POLR1E: variants seen among roughly 807,000 people sequenced by gnomAD.
POLR1E encodes DNA-directed RNA polymerase I subunit RPA49.
Under a neutral mutation model 50.9 loss-of-function variants are expected in POLR1E, and 37 were observed. The observed-to-expected ratio is 0.73, with a 90% CI of 0.56 to 0.96. POLR1E has a LOEUF of 0.96. POLR1E is among the 40% of genes least tolerant of loss of function. POLR1E has a pLI of 0.00. For missense variants in POLR1E, 426 were observed against 518.1 expected (o/e 0.82, Z 1.73); for synonymous variants, 166 against 191.6 (o/e 0.87, Z 1.10).
chr9:37,490,054 A>G (rs1242618227), intron 4 of POLR1E, among the ~76,000 whole-genome samples: 10 of 152,188 alleles, frequency 6.6e-5, no homozygotes, highest in Admixed American at 1.3e-4. Flanking sequence ...ATTAGAGGAC[A>G]TGTCTGATAT....
Position 37,486,765 on chromosome 9 carries a change from A to G in POLR1E, c.139A>G (p.Lys47Glu), listed in dbSNP as rs1207416934. The G allele has an allele frequency of 1.1e-5, 18 of 1,613,966 alleles. No homozygotes were observed. The highest frequency in any genetic ancestry group is 2.2e-5 in the East Asian group (1 of 44,896). ...CATGCGCTTTACCTTGTATGAGAAC[A>G]AAGATTCCACCAACCCCAGGAAGAG... ...GNMRFTLYENKDSTNPRKRNQ... is the reference protein window; with the variant it reads ...GNMRFTLYENEDSTNPRKRNQ... Residue 47 changes from lysine (K) to glutamate (E), a missense_variant, in exon 2 of 12, where the codon AAA becomes GAA. Physicochemically the swap from Lys to Glu is moderately conservative, Grantham distance 56. Transcript: ENST00000377798.
chr9:37,503,235 C>T lies in POLR1E; in HGVS notation c.*33C>T. ...CTTTCCAGACAGGGCGTTTTGGCTG[C>T]ATCACAGCCACTGGCTGGTCCTATT... On this transcript the variant is annotated 3_prime_UTR_variant, in exon 12 of 12. Coordinates refer to ENST00000377798, the MANE Select transcript of POLR1E (RefSeq NM_022490.4). 2 of 1,567,302 alleles carry T rather than the reference C, an allele frequency of 1.3e-6. No individual in the cohort carries two copies. The highest frequency in any genetic ancestry group is 1.7e-6 in the Non-Finnish European group (2 of 1,158,180).
chr9:37,490,579 C>T (rs1019510162), intron 4 of POLR1E: 2 of 718,916 alleles, frequency 2.8e-6, no homozygotes, highest in Admixed American at 1.9e-5. Flanking sequence ...TCTTTCTTCA[C>T]CCGTTTCATG....
intron 2 of POLR1E, among the ~76,000 whole-genome samples, chr9:37,487,638 C>G (rs960371586): frequency 6.6e-6 from 1 of 152,190 alleles, no homozygotes; most frequent in Non-Finnish European, 1.5e-5. Flanking sequence ...CATTTAGAAG[C>G]TAGCACCATC....
intron 2 of POLR1E, among the ~76,000 whole-genome samples, chr9:37,487,265 A>G (rs1820593774): frequency 6.6e-6 from 1 of 152,182 alleles, no homozygotes; most frequent in South Asian, 2.1e-4. Flanking sequence ...ACACTTTTAC[A>G]CAAAGCTCTG....
chr9:37,497,403 A>G (rs1820803525), intron 8 of POLR1E, among the ~76,000 whole-genome samples: 1 of 152,214 alleles, frequency 6.6e-6, no homozygotes, highest in Non-Finnish European at 1.5e-5. Context: ...AAACCATTAA[A>G]TGGCAGAGAA....
At chr9:37,502,137 A>G (rs1475928315) in intron 11 of POLR1E, among the ~76,000 whole-genome samples, 1 of 152,232 alleles carries the variant, frequency 6.6e-6, no homozygotes, top group Non-Finnish European at 1.5e-5. Context: ...TTACACAACC[A>G]AGAGGGGAGT....
At chr9:37,490,994 A>G in intron 4 of POLR1E, 1 of 276,630 alleles carries the variant, frequency 3.6e-6, no homozygotes, top group Non-Finnish European at 7.0e-6. Context: ...TTTCTGGTAG[A>G]CAAAGGAAAT....
intron 6 of POLR1E, among the ~76,000 whole-genome samples, chr9:37,494,912 A>T (rs2274479): frequency 0.28 from 42,452 of 152,092 alleles, 6,520 homozygotes; most frequent in African/African-American, 0.4. Flanking sequence ...CACAGCTGTC[A>T]ATCCCAACTC....
chr9:37,498,328 A>G, intron 9 of POLR1E, 104 bp downstream of exon 9: 1 of 1,268,600 alleles, frequency 7.9e-7, no homozygotes, highest in Non-Finnish European at 1.1e-6. Context: ...ATGTCTGTCC[A>G]AGTCTTTACT....
chr9:37,500,935 T>C lies in POLR1E; in HGVS notation c.968+14T>C. 1 of 1,605,768 alleles carries C rather than the reference T, an allele frequency of 6.2e-7. No homozygotes were observed. Among genetic ancestry groups the C allele is most frequent in the Non-Finnish European group, 8.5e-7 (1 of 1,173,000 alleles). Reference sequence around the variant, plus strand: ...CAACAATGGCAGGTCAGGGGGTGGTTGCTGGGATTTTTCTTGTGCAGGAGA... The same window carrying C: ...CAACAATGGCAGGTCAGGGGGTGGTCGCTGGGATTTTTCTTGTGCAGGAGA... On this transcript the variant is annotated intron_variant, in intron 10 of 11. Coordinates refer to ENST00000377798, the MANE Select transcript of POLR1E (RefSeq NM_022490.4).
intron 8 of POLR1E, among the ~76,000 whole-genome samples, chr9:37,496,619 A>ATTTTTT (rs1229748702): frequency 3.9e-5 from 2 of 51,224 alleles, no homozygotes; most frequent in Non-Finnish European, 4.1e-5. Flanking sequence ...TATTATTATT[A>ATTTTTT]TTTCTTTTTT....
intron 7 of POLR1E, 58 bp downstream of exon 7, chr9:37,495,334 G>T: frequency 7.3e-7 from 1 of 1,374,944 alleles, no homozygotes. Context: ...GTTTGCACGT[G>T]TGTGCAGTCA....
At chr9:37,503,014 T>G in intron 11 of POLR1E, 29 bp from the exon 12 acceptor site, 1 of 1,594,342 alleles carries the variant, frequency 6.3e-7, no homozygotes, top group African/African-American at 1.3e-5. Flanking sequence ...GAGGGGTCTC[T>G]CCAGTTCTTC....
rs750236524 is a variant in POLR1E at position 37,503,168 on chromosome 9, C to T, written c.1226C>T (p.Ser409Leu). ...LSLPLPPAQT[S>L]DRLAKRRKIT Reference sequence around the variant, plus strand: ...CTCCCGCTGCCTCCAGCCCAGACCTCAGACCGCCTGGCAAAGCGGAGGAAG... The same window carrying T: ...CTCCCGCTGCCTCCAGCCCAGACCTTAGACCGCCTGGCAAAGCGGAGGAAG... The change falls in exon 12 of 12, where the codon TCA becomes TTA. Residue 409 changes from serine (S) to leucine (L), a missense_variant. By Grantham distance (145) the Ser-to-Leu change is moderately radical (BLOSUM62 -2). Transcript: ENST00000377798. The T allele has an allele frequency of 6.2e-7, 1 of 1,612,202 alleles. No homozygotes were observed. The highest frequency in any genetic ancestry group is 1.3e-5 in the African/African-American group (1 of 74,916).
Position 37,495,204 on chromosome 9 carries a change from G to C in POLR1E, c.583G>C (p.Asp195His), listed in dbSNP as rs781303830. Residue 195 changes from aspartate (D) to histidine (H), a missense_variant, in exon 7 of 12, where the codon GAT becomes CAT. Physicochemically the swap from Asp to His is moderately conservative, Grantham distance 81. Transcript: ENST00000377798. Reference sequence around the variant, plus strand: ...CGATGCTATCCACAATGACTTGCAAGATGACTCCCTCTACCTTCCTCCCTG... The same window carrying C: ...CGATGCTATCCACAATGACTTGCAACATGACTCCCTCTACCTTCCTCCCTG... ...VSDAIHNDLQ[D>H]DSLYLPPCYD... 1.2e-5 allele frequency: 20 copies of C among 1,614,070 alleles called. No homozygotes were observed. Among genetic ancestry groups the C allele is most frequent in the Non-Finnish European group, 1.4e-5 (17 of 1,180,038 alleles).
intron 11 of POLR1E, among the ~76,000 whole-genome samples, 182 bp from the exon 12 acceptor site, chr9:37,502,861 A>G (rs906777526): frequency 6.6e-6 from 1 of 152,170 alleles, no homozygotes; most frequent in African/African-American, 2.4e-5. Context: ...TGGCTGTCTG[A>G]TGGTTCCCAG....
At chr9:37,486,457 CT>C (rs1177345488) in intron 1 of POLR1E, 8 of 1,550,240 alleles carry the variant, frequency 5.2e-6, no homozygotes, top group Admixed American at 2.0e-5. Context: ...CAGGCCTCTG[CT>C]GTCAGCCTCC....
chr9:37,498,076 T>A lies in POLR1E; in HGVS notation c.753-15T>A. ...TTACCCTGACACAGGCCTCCTTTTCTTTTCCTTGTTTTAGCCATTGCACCT... is the reference window on the plus strand; with the variant it reads ...TTACCCTGACACAGGCCTCCTTTTCATTTCCTTGTTTTAGCCATTGCACCT... On this transcript the variant is annotated splice_polypyrimidine_tract_variant and intron_variant, in intron 8 of 11. Transcript: ENST00000377798. The A allele has an allele frequency of 6.2e-7, 1 of 1,610,454 alleles. No homozygotes were observed. The highest frequency in any genetic ancestry group is 2.2e-5 in the East Asian group (1 of 44,844).
Sources: allele counts gnomAD v4.1 joint callset (sites outside exome capture counted in the v4.1 genomes callset), GRCh38; gene constraint gnomAD v4.1.1; transcripts MANE v1.5; gene names NCBI Gene and HGNC (gene_info 2026-07-23, HGNC 2026-07-21).